The following PKD1L1 variants were observed in gnomAD, a reference collection of about 807,000 sequenced individuals.
The protein encoded by PKD1L1 is polycystin-1-like protein 1.
PKD1L1 carries 236 observed loss-of-function variants against 323.4 expected under a neutral mutation model. The ratio of observed to expected loss-of-function variants is 0.73; its 90% CI spans 0.66 to 0.81. The LOEUF (loss-of-function observed/expected upper bound fraction) is 0.81. PKD1L1 is among the 40% of genes least tolerant of loss of function. The probability of loss-of-function intolerance (pLI) is 0.00; values close to 1 mark genes in which losing one functional copy is unlikely to be tolerated. For synonymous variants in PKD1L1, 1,344 were observed against 1,335.0 expected (o/e 1.01, Z -0.15); for missense variants, 3,320 against 3,508.0 (o/e 0.95, Z 1.35).
chr7:47,833,062 G>A (rs1785380463), intron 41 of PKD1L1, 28 bp downstream of exon 41: 1 of 1,594,822 alleles, frequency 6.3e-7, no homozygotes, highest in Admixed American at 1.7e-5. Context: ...CTGGCAGGAA[G>A]GGGGCTGTGG....
At chr7:47,838,310 C>G (rs1463553714) in intron 36 of PKD1L1, among the ~76,000 whole-genome samples, 1 of 152,240 alleles carries the variant, frequency 6.6e-6, no homozygotes, top group African/African-American at 2.4e-5. Context: ...GGAAAGAAAG[C>G]CCAGTGGCCT....
intron 32 of PKD1L1, 77 bp from the exon 33 acceptor site, chr7:47,845,155 A>G: frequency 8.4e-7 from 1 of 1,186,438 alleles, no homozygotes; most frequent in Non-Finnish European, 1.2e-6. Context: ...ATGTTGGTTA[A>G]AGGAATGAGA....
At chr7:47,800,913 G>A (rs757741834) in intron 53 of PKD1L1, 34 bp from the exon 54 acceptor site, 2 of 1,555,202 alleles carry the variant, frequency 1.3e-6, no homozygotes, top group East Asian at 2.2e-5. Context: ...CACTGACCTT[G>A]TCACCTCTTC....
chr7:47,945,892 AG>A (rs1788083553), intron 1 of PKD1L1, among the ~76,000 whole-genome samples: 1 of 152,194 alleles, frequency 6.6e-6, no homozygotes, highest in Non-Finnish European at 1.5e-5. Flanking sequence ...TTGGCCCTTG[AG>A]AAGTAATTTT....
intron 9 of PKD1L1, 147 bp from the exon 10 acceptor site, chr7:47,906,109 C>G: frequency 1.4e-6 from 1 of 729,260 alleles, no homozygotes; most frequent in Non-Finnish European, 2.1e-6. Context: ...GCTCTGAAAT[C>G]AGACATACCT....
At chr7:47,810,200 G>A (rs1027640211) in intron 50 of PKD1L1, among the ~76,000 whole-genome samples, 1 of 152,122 alleles carries the variant, frequency 6.6e-6, no homozygotes, top group Non-Finnish European at 1.5e-5. Context: ...TGTGCATTGT[G>A]TCCCATTGGC....
At chr7:47,924,167 G>A (rs1236277531) in intron 7 of PKD1L1, among the ~76,000 whole-genome samples, 2 of 152,146 alleles carry the variant, frequency 1.3e-5, no homozygotes, top group African/African-American at 2.4e-5. Flanking sequence ...CAGGGAGAAA[G>A]TTCTCAAACC....
chr7:47,862,029 T>C lies in PKD1L1; in HGVS notation c.4150-3144A>G, dbSNP rs148456101. 7.1e-3 allele frequency among the ~76,000 whole-genome samples: 1,071 copies of C among 151,756 alleles called. 3 individuals are homozygous for C. The highest frequency in any genetic ancestry group is 0.017 in the Middle Eastern group (5 of 290). On this transcript the variant is annotated intron_variant, in intron 26 of 56. Transcript: ENST00000289672. ...GACCAACAAGGTGAAACCCTGTCTC[T>C]ATTAAAAATACAAAAATTGGCCAGG...
chr7:47,950,099 C>T (rs1051084331), upstream of PKD1L1, among the ~76,000 whole-genome samples: 1 of 152,188 alleles, frequency 6.6e-6, no homozygotes, highest in Non-Finnish European at 1.5e-5. Context: ...GGATAAACTG[C>T]AAACTGCAGT....
At chr7:47,882,821 T>C (rs1056659993) in intron 19 of PKD1L1, among the ~76,000 whole-genome samples, 4 of 151,770 alleles carry the variant, frequency 2.6e-5, no homozygotes, top group South Asian at 2.1e-4. Context: ...GTCAGGAGAG[T>C]AACAACAGCC....
At chr7:47,937,967 G>A (rs982223194) in intron 3 of PKD1L1, among the ~76,000 whole-genome samples, 2 of 152,086 alleles carry the variant, frequency 1.3e-5, no homozygotes, top group Non-Finnish European at 2.9e-5. Context: ...GAGGAGGGGG[G>A]ACACTTTTGG....
At chr7:47,821,039 T>A in intron 46 of PKD1L1, 37 bp downstream of exon 46, 3 of 1,296,552 alleles carry the variant, frequency 2.3e-6, no homozygotes, top group Non-Finnish European at 3.4e-6. Flanking sequence ...AATAGTGCAA[T>A]GGCCCCAGAT....
chr7:47,882,742 T>C (rs972101216), intron 19 of PKD1L1, among the ~76,000 whole-genome samples: 15 of 152,146 alleles, frequency 9.9e-5, no homozygotes, highest in South Asian at 6.2e-4. Flanking sequence ...ATTGCCAGGG[T>C]CACATCATGC....
chr7:47,848,668 G>A (rs144310722), intron 31 of PKD1L1, among the ~76,000 whole-genome samples: 2,768 of 152,262 alleles, frequency 0.018, 77 homozygotes, highest in African/African-American at 0.063. Flanking sequence ...AGCCGGGTGT[G>A]GTGGCGCATG....
intron 46 of PKD1L1, among the ~76,000 whole-genome samples, chr7:47,817,679 G>GC (rs1231353176): frequency 6.6e-6 from 1 of 152,134 alleles, no homozygotes; most frequent in Non-Finnish European, 1.5e-5. Context: ...GACCAGCCTG[G>GC]CCAATATGGC....
chr7:47,803,311 G>C lies in PKD1L1; in HGVS notation c.7861C>G (p.Leu2621Val). The C allele has an allele frequency of 6.2e-7, 1 of 1,614,092 alleles. No individual in the cohort carries two copies. Among genetic ancestry groups the C allele is most frequent in the Non-Finnish European group, 8.5e-7 (1 of 1,180,026 alleles). The change falls in exon 53 of 57, where the codon CTC (leucine) becomes GTC (valine). Residue 2621 changes from leucine to valine, a missense_variant. By Grantham distance (32) the Leu-to-Val change is conservative (BLOSUM62 1). Coordinates refer to ENST00000289672, the MANE Select transcript of PKD1L1 (RefSeq NM_138295.5). ...ARWLRGILLF[L>V]FTLKCVYLPG... ...AGATAGACGCATTTTAATGTGAAGA[G>C]GAATAAGAGGATTCCCCGGAGCCAT...
chr7:47,870,806 C>T (rs1246708162), intron 24 of PKD1L1, among the ~76,000 whole-genome samples: 2 of 151,824 alleles, frequency 1.3e-5, no homozygotes, highest in African/African-American at 4.8e-5. Flanking sequence ...CGAGACCAGC[C>T]TGGGCAACAT....
chr7:47,832,980 G>A, intron 41 of PKD1L1, 110 bp downstream of exon 41: 1 of 1,376,928 alleles, frequency 7.3e-7, no homozygotes, highest in Non-Finnish European at 9.8e-7. Context: ...TGAGACTAGA[G>A]TATTCAGTGA....
rs755555361 is a variant in PKD1L1 at position 47,835,035 on chromosome 7, G to A, written c.6059C>T (p.Ala2020Val). The A allele has an allele frequency of 2.5e-6, 4 of 1,613,794 alleles. No individual in the cohort carries two copies. In the South Asian group the frequency reaches 4.4e-5, roughly 18 times the overall value. Residue 2020 changes from alanine (A) to valine (V), a missense_variant, in exon 39 of 57, where the codon GCC becomes GTC. Ala to Val is a moderately conservative substitution (Grantham distance 64, BLOSUM62 0). Coordinates refer to ENST00000289672, the MANE Select transcript of PKD1L1 (RefSeq NM_138295.5). Reference sequence around the variant, plus strand: ...TGGCTCCACTCGGGCAGACCCCGGGGCTTCCTGCAGAAGGAAAGAGGTGGT... The same window carrying A: ...TGGCTCCACTCGGGCAGACCCCGGGACTTCCTGCAGAAGGAAAGAGGTGGT... The part of the protein sequence containing the change: ...LSLLFRLSKE[A>V]PGSARVEPHS...
Sources: gnomAD v4.1 joint callset for allele counts (sites outside exome capture counted in the v4.1 genomes callset) on GRCh38, gnomAD v4.1.1 for gene constraint, MANE v1.5 for transcripts, NCBI Gene and HGNC (gene_info 2026-07-23, HGNC 2026-07-21) for gene names.